The following DTWD2 variants were observed in gnomAD, a reference collection of about 807,000 sequenced individuals.
DTWD2 encodes DTW motif tRNA-uridine aminocarboxypropyltransferase 2, also known as tRNA-uridine aminocarboxypropyltransferase 2.
Under a neutral mutation model 31.8 loss-of-function variants are expected in DTWD2, and 39 were observed. The observed-to-expected ratio is 1.22, with a 90% confidence interval of 0.95 to 1.60. The LOEUF (loss-of-function observed/expected upper bound fraction) is 1.60, where lower values mean the gene tolerates loss of function less well. DTWD2 is among the 40% of genes most tolerant of loss of function. DTWD2 has a pLI of 0.00. For synonymous variants in DTWD2, 180 were observed against 142.8 expected (o/e 1.26, Z -1.86); for missense variants, 515 against 381.5 (o/e 1.35, Z -2.92).
At chr5:118,954,809 C>A (rs548713279) in intron 1 of DTWD2, among the ~76,000 whole-genome samples, 2 of 152,184 alleles carry the variant, frequency 1.3e-5, no homozygotes, top group African/African-American at 4.8e-5. Context: ...GCGTGAGCCA[C>A]CGTGCCCAGC....
chr5:118,950,885 C>T (rs778129272), intron 1 of DTWD2, among the ~76,000 whole-genome samples: 1 of 152,064 alleles, frequency 6.6e-6, no homozygotes, highest in Non-Finnish European at 1.5e-5. Context: ...GGTTTGAGGG[C>T]TGGAATTTAA....
At chr5:118,970,979 G>T (rs750962591) in intron 1 of DTWD2, among the ~76,000 whole-genome samples, 2 of 152,146 alleles carry the variant, frequency 1.3e-5, no homozygotes, top group East Asian at 3.8e-4. Flanking sequence ...AAGAGCTCCT[G>T]AAGGAAGCAC....
intron 4 of DTWD2, among the ~76,000 whole-genome samples, chr5:118,886,272 C>T (rs550845313): frequency 1.3e-4 from 20 of 152,278 alleles, no homozygotes; most frequent in African/African-American, 3.9e-4. Flanking sequence ...AAAGAGTTTA[C>T]GGTTATTGGA....
At chr5:118,906,117 C>T (rs1753327372) in intron 4 of DTWD2, among the ~76,000 whole-genome samples, 1 of 152,070 alleles carries the variant, frequency 6.6e-6, no homozygotes, top group Admixed American at 6.5e-5. Context: ...TAGTCAATAG[C>T]AAATGAAAAG....
chr5:118,920,580 A>G (rs1753680488), intron 4 of DTWD2, among the ~76,000 whole-genome samples: 1 of 150,280 alleles, frequency 6.7e-6, no homozygotes, highest in Non-Finnish European at 1.5e-5. Flanking sequence ...GCATTTTTAA[A>G]TTAAAAATGT....
chr5:118,916,140 G>T (rs916343930), intron 4 of DTWD2, among the ~76,000 whole-genome samples: 1 of 152,170 alleles, frequency 6.6e-6, no homozygotes, highest in Non-Finnish European at 1.5e-5. Flanking sequence ...ATATCTCAAC[G>T]AAGCATTCAG....
intron 3 of DTWD2, among the ~76,000 whole-genome samples, chr5:118,931,730 A>G (rs1278212077): frequency 6.6e-6 from 1 of 152,220 alleles, no homozygotes; most frequent in Admixed American, 6.5e-5. Flanking sequence ...CAGCATTATC[A>G]ATCAACTTGA....
chr5:118,855,806 A>G (rs1349866728), intron 4 of DTWD2, among the ~76,000 whole-genome samples: 1 of 152,228 alleles, frequency 6.6e-6, no homozygotes, highest in Non-Finnish European at 1.5e-5. Flanking sequence ...TTAGAAATGC[A>G]TAATATAAAA....
At chr5:118,985,503 T>TACACACAC (rs1755405597) in intron 1 of DTWD2, among the ~76,000 whole-genome samples, 2 of 113,906 alleles carry the variant, frequency 1.8e-5, no homozygotes, top group Admixed American at 8.5e-5. Context: ...TATATATATA[T>TACACACAC]ATATATATAT....
chr5:118,944,073 T>A (rs1299849091), intron 2 of DTWD2, among the ~76,000 whole-genome samples: 2 of 152,238 alleles, frequency 1.3e-5, no homozygotes, highest in African/African-American at 4.8e-5. Flanking sequence ...GTATTAATTT[T>A]AAAATCTTTA....
intron 4 of DTWD2, among the ~76,000 whole-genome samples, chr5:118,899,282 T>C (rs1429835564): frequency 1.3e-5 from 2 of 152,234 alleles, no homozygotes; most frequent in Non-Finnish European, 2.9e-5. Context: ...TATAGTGCTA[T>C]TGGGCATAAG....
At chr5:118,888,517 T>C (rs1341198077) in intron 4 of DTWD2, among the ~76,000 whole-genome samples, 1 of 152,242 alleles carries the variant, frequency 6.6e-6, no homozygotes, top group Non-Finnish European at 1.5e-5. Flanking sequence ...GATGGACATT[T>C]GGGTTGTTCC....
chr5:118,869,494 C>T (rs1038034905), intron 4 of DTWD2, among the ~76,000 whole-genome samples: 4 of 152,094 alleles, frequency 2.6e-5, no homozygotes, highest in African/African-American at 9.7e-5. Context: ...TAAAACCCTC[C>T]CCCATATCCT....
At chr5:118,973,255 T>C (rs567303487) in intron 1 of DTWD2, among the ~76,000 whole-genome samples, 21 of 152,334 alleles carry the variant, frequency 1.4e-4, no homozygotes, top group African/African-American at 4.6e-4. Flanking sequence ...CCCATTTACA[T>C]TGAAGGTTAA....
chr5:118,957,867 T>G (rs1025756703), intron 1 of DTWD2, among the ~76,000 whole-genome samples: 2 of 152,206 alleles, frequency 1.3e-5, no homozygotes, highest in Non-Finnish European at 2.9e-5. Flanking sequence ...ATACTATCAT[T>G]ACTGACCAAA....
At chr5:118,842,898 G>T (rs984324056) in intron 5 of DTWD2, among the ~76,000 whole-genome samples, 1 of 149,446 alleles carries the variant, frequency 6.7e-6, no homozygotes, top group Admixed American at 6.7e-5. Flanking sequence ...AGTGAGCCAC[G>T]ATCATACCAC....
At chr5:118,962,539 C>T (rs757041438) in intron 1 of DTWD2, among the ~76,000 whole-genome samples, 1 of 151,696 alleles carries the variant, frequency 6.6e-6, no homozygotes, top group African/African-American at 2.4e-5. Flanking sequence ...AAAAAAAATC[C>T]TAAAAGAAGC....
chr5:118,849,767 A>C (rs773254978), intron 4 of DTWD2, among the ~76,000 whole-genome samples: 3 of 152,306 alleles, frequency 2.0e-5, no homozygotes, highest in East Asian at 1.9e-4. Flanking sequence ...TCAGCAAACT[A>C]ACACAGGAAT....
In DTWD2 at chr5:118,837,588, G is replaced by C. The variant is rs1463884523; in HGVS notation, c.*3329C>G. ...TGATCACATTTTTAAACCTATTTAG[G>C]GCAACAGTTGGAAATATGTGATGAA... is the stretch of plus-strand genomic sequence containing the variant. On this transcript the variant is annotated 3_prime_UTR_variant, in exon 6 of 6. Coordinates refer to ENST00000510708, the MANE Select transcript of DTWD2 (RefSeq NM_173666.4). The C allele has an allele frequency of 6.6e-6, 1 of 152,010 alleles. No individual in the cohort carries two copies. 9.4% of individuals were successfully genotyped at this position (152,010 alleles called of 1,614,324 possible).
Sources: gnomAD v4.1 joint callset for allele counts (sites outside exome capture counted in the v4.1 genomes callset) on GRCh38, gnomAD v4.1.1 for gene constraint, MANE v1.5 for transcripts, NCBI Gene and HGNC (gene_info 2026-07-23, HGNC 2026-07-21) for gene names.